LCE3E: variants seen among roughly 807,000 people sequenced by gnomAD.
The protein encoded by LCE3E is late cornified envelope 3E.
For missense variants in LCE3E, 133 were observed against 120.0 expected (o/e 1.11, Z -0.51); for synonymous variants, 40 against 47.0 (o/e 0.85, Z 0.61).
At position 152,566,176 on chromosome 1, in the gene LCE3E, T is replaced by C. The variant is rs777621256; in HGVS notation, c.33A>G (p.Gln11=). 4 of 1,613,420 alleles carry C rather than the reference T, an allele frequency of 2.5e-6. No individual in the cohort carries two copies. The highest frequency in any genetic ancestry group is 2.5e-6 in the Non-Finnish European group (3 of 1,179,986). ...TGGGTGAGGGGCACTTGGGTGGGGG[T>C]TGGCACTGCTTCTGGTTCTGCTGGC... MSCQQNQKQC[Q]PPPKCPSPKC... The change falls in exon 2 of 2, where the codon CAA becomes CAG. Residue 11 remains glutamine (Q), a synonymous_variant. Transcript: ENST00000368789.
chr1:152,565,687 G>A lies in LCE3E; in HGVS notation c.*243C>T, dbSNP rs1270481687. 6.8e-6 allele frequency: 4 copies of A among 591,486 alleles called. No homozygotes were observed. Among genetic ancestry groups the A allele is most frequent in the Non-Finnish European group, 1.2e-5 (4 of 339,508 alleles). 36.6% of individuals were successfully genotyped at this position (591,486 alleles called of 1,614,324 possible). On this transcript the variant is annotated 3_prime_UTR_variant, in exon 2 of 2. Coordinates refer to ENST00000368789, the MANE Select transcript of LCE3E (RefSeq NM_178435.4). ...ACAAGGAACTTTATCTTTTTTACGA[G>A]GTTGGGCACAAGCACTGCCAATCCT...
Position 152,565,693 on chromosome 1 carries a change from G to T in LCE3E, c.*237C>A. The T allele has an allele frequency of 1.7e-6, 1 of 604,498 alleles. No homozygotes were observed. The highest frequency in any genetic ancestry group is 2.9e-6 in the Non-Finnish European group (1 of 349,660). The allele number at this position is 604,498 out of a possible 1,614,324, so 37.4% of individuals were successfully genotyped here. A position where few individuals can be genotyped will look rare whatever the true frequency, so the allele number is the denominator to read the frequency against. ...AACTTTATCTTTTTTACGAGGTTGGGCACAAGCACTGCCAATCCTTGGCAG... is the reference window on the plus strand; with the variant it reads ...AACTTTATCTTTTTTACGAGGTTGGTCACAAGCACTGCCAATCCTTGGCAG... On this transcript the variant is annotated 3_prime_UTR_variant, in exon 2 of 2. Coordinates refer to ENST00000368789, the MANE Select transcript of LCE3E (RefSeq NM_178435.4).
At position 152,566,042 on chromosome 1, in the gene LCE3E, T is replaced by C; in HGVS notation, c.167A>G (p.His56Arg). The change falls in exon 2 of 2, where the codon CAC (histidine) becomes CGC (arginine). Residue 56 changes from histidine (H) to arginine (R), a missense_variant. Transcript: ENST00000368789. ...CCGGCATCGGTGGTGGCGCCTGTGG[T>C]GGTTCAGGAAGCAGCCGCCCTCGGA... is the stretch of plus-strand genomic sequence containing the variant. ...PSSEGGCFLNHHRRHHRCRRQ... is the reference protein window; with the variant it reads ...PSSEGGCFLNRHRRHHRCRRQ... 4 of 1,613,570 alleles carry C rather than the reference T, an allele frequency of 2.5e-6. No homozygotes were observed. The highest frequency in any genetic ancestry group is 3.4e-6 in the Non-Finnish European group (4 of 1,179,978).
At position 152,566,454 on chromosome 1, in the gene LCE3E, CT is replaced by C. The variant is rs901776531; in HGVS notation, c.-21-226del. Among the ~76,000 whole-genome samples, 49 of 152,082 alleles carry C rather than the reference CT, an allele frequency of 3.2e-4. 1 individual carries two copies. The highest frequency in any genetic ancestry group is 1.2e-3 in the African/African-American group (48 of 41,526). On this transcript the variant is annotated intron_variant, in intron 1 of 1. Coordinates refer to ENST00000368789, the MANE Select transcript of LCE3E (RefSeq NM_178435.4). ...CCAAAGAACCCCTAGGGAATGCACC[CT>C]TTTGGGAAAAAGAATTCTGTAGAAT...
Position 152,565,834 on chromosome 1 carries a change from G to A in LCE3E, c.*96C>T, listed in dbSNP as rs1659909337. On this transcript the variant is annotated 3_prime_UTR_variant, in exon 2 of 2. Transcript: ENST00000368789. ...GCTCAGCCTGTGAAAGTCAGAAGAG[G>A]GTATATGGGAAGGCATGCGTCAGAT... 3.3e-6 allele frequency: 5 copies of A among 1,518,570 alleles called. No individual in the cohort carries two copies. The highest frequency in any genetic ancestry group is 2.8e-5 in the African/African-American group (2 of 72,294). The allele number at this position is 1,518,570 out of a possible 1,614,324, so 94.1% of individuals were successfully genotyped here. A position where few individuals can be genotyped will look rare whatever the true frequency, so the allele number is the denominator to read the frequency against.
Position 152,566,087 on chromosome 1 carries a change from G to T in LCE3E, c.122C>A (p.Ser41Tyr), listed in dbSNP as rs1659916773. The change falls in exon 2 of 2, where the codon TCT becomes TAT. Residue 41 changes from serine (S) to tyrosine (Y), a missense_variant. By Grantham distance (144) the Ser-to-Tyr change is moderately radical. Transcript: ENST00000368789. ...CTCGGAGCTAGGGCCACAGCCCCCA[G>T]AGCTTGGGGCACAGCCAGAGGAAGC... ...PPASSGCAPS[S>Y]GGCGPSSEGG... The T allele has an allele frequency of 1.9e-6, 3 of 1,613,868 alleles. No homozygotes were observed. Among genetic ancestry groups the T allele is most frequent in the Middle Eastern group, 1.6e-4 (1 of 6,062 alleles).
chr1:152,566,341 T>C, intron 1 of LCE3E, 112 bp from the exon 2 acceptor site: 2 of 1,118,328 alleles, frequency 1.8e-6, no homozygotes, highest in Non-Finnish European at 1.3e-6. Context: ...GATGTGGAGC[T>C]GGTGGGATAT....
intron 1 of LCE3E, 79 bp from the exon 2 acceptor site, chr1:152,566,308 G>T: frequency 6.9e-7 from 1 of 1,453,500 alleles, no homozygotes; most frequent in Non-Finnish European, 9.3e-7. Flanking sequence ...TGAGGCAAGA[G>T]CTGCAAGAGG....
In LCE3E at chr1:152,565,705, C is replaced by T. The variant is rs1284806682; in HGVS notation, c.*225G>A. The T allele has an allele frequency of 2.8e-5, 18 of 640,312 alleles. No homozygotes were observed. The highest frequency in any genetic ancestry group is 4.2e-5 in the Non-Finnish European group (16 of 378,936). The allele number at this position is 640,312 out of a possible 1,614,324, so 39.7% of individuals were successfully genotyped here. ...TTTACGAGGTTGGGCACAAGCACTG[C>T]CAATCCTTGGCAGGTACAGGGGTAG... On this transcript the variant is annotated 3_prime_UTR_variant, in exon 2 of 2. Coordinates refer to ENST00000368789, the MANE Select transcript of LCE3E (RefSeq NM_178435.4).
rs1447623218 is a variant in LCE3E, at chr1:152,565,875, C to G, written c.*55G>C. ...TGCGTCAGATGGGGCTGTTCTTGGC[C>G]TCTTGGGATTCTTGTTTCCTCCAAA... On this transcript the variant is annotated 3_prime_UTR_variant, in exon 2 of 2. Transcript: ENST00000368789. The G allele has an allele frequency of 6.3e-7, 1 of 1,594,388 alleles. No homozygotes were observed. Among genetic ancestry groups the G allele is most frequent in the Non-Finnish European group, 8.5e-7 (1 of 1,170,486 alleles).
rs878911196 is a variant in LCE3E at position 152,566,348 on chromosome 1, A to T, written c.-21-119T>A. On this transcript the variant is annotated intron_variant, in intron 1 of 1. Coordinates refer to ENST00000368789, the MANE Select transcript of LCE3E (RefSeq NM_178435.4). ...GGGAAGCTGATGTGGAGCTGGTGGG[A>T]TATGCCAGATACTTCTCACATTGCT... The T allele has an allele frequency of 2.9e-6, 3 of 1,038,376 alleles. No individual in the cohort carries two copies. The South Asian group carries it at 4.9e-5, about 17-fold the overall frequency. The allele number at this position is 1,038,376 out of a possible 1,614,324, so 64.3% of individuals were successfully genotyped here. A position where few individuals can be genotyped will look rare whatever the true frequency, so the allele number is the denominator to read the frequency against.
rs1659913985 is a variant in LCE3E, at chr1:152,566,013, G to A, written c.196C>T (p.Gln66Ter). The A allele has an allele frequency of 6.2e-7, 1 of 1,613,704 alleles. No individual in the cohort carries two copies. The change falls in exon 2 of 2, where the codon CAG becomes TAG. Residue 66 changes from glutamine (Q) to a stop codon, truncating the protein, a stop_gained. Coordinates refer to ENST00000368789, the MANE Select transcript of LCE3E (RefSeq NM_178435.4). LOFTEE classifies it low-confidence loss of function (END_TRUNC). ...HHRRHHRCRR[Q>*]RSNSCDRGSG... ...CCCCTGTCACAGGAGTTGGACCTCT[G>A]GCGCCGGCATCGGTGGTGGCGCCTG...
chr1:152,566,252 T>G (rs777709356), intron 1 of LCE3E, 23 bp from the exon 2 acceptor site: 1 of 1,605,412 alleles, frequency 6.2e-7, no homozygotes, highest in Non-Finnish European at 8.5e-7. Context: ...AAGCCACTTC[T>G]TAGTTCAAAA....
intron 1 of LCE3E, 22 bp from the exon 2 acceptor site, chr1:152,566,251 C>CT: frequency 1.2e-6 from 2 of 1,605,982 alleles, no homozygotes; most frequent in Non-Finnish European, 1.7e-6. Context: ...GAAGCCACTT[C>CT]TTAGTTCAAA....
chr1:152,566,002 G>A lies in LCE3E; in HGVS notation c.207C>T (p.Asn69=). The change falls in exon 2 of 2, where the codon AAC becomes AAT. Residue 69 remains asparagine (N), a synonymous_variant. Transcript: ENST00000368789. ...GCTGACCACTGCCCCTGTCACAGGA[G>A]TTGGACCTCTGGCGCCGGCATCGGT... ...RHHRCRRQRS[N]SCDRGSGQQG... 6.2e-7 allele frequency: 1 copy of A among 1,613,898 alleles called. No individual in the cohort carries two copies. The highest frequency in any genetic ancestry group is 2.2e-5 in the East Asian group (1 of 44,876).
Position 152,566,075 on chromosome 1 carries a change from C to A in LCE3E, c.134G>T (p.Gly45Val), listed in dbSNP as rs746808148. 1 of 1,613,808 alleles carries A rather than the reference C, an allele frequency of 6.2e-7. No individual in the cohort carries two copies. The highest frequency in any genetic ancestry group is 2.2e-5 in the East Asian group (1 of 44,862). ...GAAGCAGCCGCCCTCGGAGCTAGGG[C>A]CACAGCCCCCAGAGCTTGGGGCACA... ...SGCAPSSGGC[G>V]PSSEGGCFLN... The change falls in exon 2 of 2, where the codon GGC (glycine) becomes GTC (valine). Residue 45 changes from glycine (G) to valine (V), a missense_variant. Transcript: ENST00000368789.
At position 152,566,093 on chromosome 1, in the gene LCE3E, G is replaced by T. The variant is rs1292814102; in HGVS notation, c.116C>A (p.Pro39Gln). 1 of 1,613,734 alleles carries T rather than the reference G, an allele frequency of 6.2e-7. No individual in the cohort carries two copies. Among genetic ancestry groups the T allele is most frequent in the African/African-American group, 1.3e-5 (1 of 74,918 alleles). ...GCTAGGGCCACAGCCCCCAGAGCTT[G>T]GGGCACAGCCAGAGGAAGCTGGAGG... ...CLPPASSGCAPSSGGCGPSSE... is the reference protein window; with the variant it reads ...CLPPASSGCAQSSGGCGPSSE... The change falls in exon 2 of 2, where the codon CCA becomes CAA. Residue 39 changes from proline to glutamine, a missense_variant. Physicochemically the swap from Pro to Gln is moderately conservative, Grantham distance 76. Coordinates refer to ENST00000368789, the MANE Select transcript of LCE3E (RefSeq NM_178435.4).
chr1:152,566,161 G>A lies in LCE3E; in HGVS notation c.48C>T (p.Cys16=), dbSNP rs372584039. 1.4e-5 allele frequency: 23 copies of A among 1,613,746 alleles called. No homozygotes were observed. Among genetic ancestry groups the A allele is most frequent in the South Asian group, 9.9e-5 (9 of 91,084 alleles). Residue 16 remains cysteine, a synonymous_variant, in exon 2 of 2, where the codon TGC becomes TGT. Transcript: ENST00000368789. ...TCTTTGGGGGACACTTGGGTGAGGG[G>A]CACTTGGGTGGGGGTTGGCACTGCT... ...NQKQCQPPPK[C]PSPKCPPKNP...
chr1:152,566,318 G>T (rs1659922294), intron 1 of LCE3E, 89 bp from the exon 2 acceptor site: 1 of 1,372,682 alleles, frequency 7.3e-7, no homozygotes, highest in Non-Finnish European at 9.9e-7. Flanking sequence ...GCTGCAAGAG[G>T]GTGAGGGAAG....
Sources: allele counts gnomAD v4.1 joint callset (sites outside exome capture counted in the v4.1 genomes callset), GRCh38; gene constraint gnomAD v4.1.1; transcripts MANE v1.5; gene names NCBI Gene and HGNC (gene_info 2026-07-23, HGNC 2026-07-21).